KLHL32: variants seen among roughly 807,000 people sequenced by gnomAD.
KLHL32 encodes kelch-like protein 32.
KLHL32 carries 35 observed loss-of-function variants against 64.8 expected under a neutral mutation model. The observed-to-expected ratio is 0.54, with a 90% CI of 0.41 to 0.72. The LOEUF is 0.72. KLHL32 is among the 30% of genes least tolerant of loss of function. The probability of loss-of-function intolerance (pLI) is 0.00; values close to 1 mark genes in which losing one functional copy is unlikely to be tolerated. For synonymous variants in KLHL32, 259 were observed against 281.0 expected, an observed-to-expected ratio of 0.92 and a Z score of 0.78; for missense variants, 589 against 768.5, an observed-to-expected ratio of 0.77 and a Z score of 2.76.
chr6:96,955,231 T>A (rs1773116721), intron 1 of KLHL32, among the ~76,000 whole-genome samples: 2 of 152,326 alleles, frequency 1.3e-5, no homozygotes, highest in South Asian at 4.1e-4. Context: ...AGCATGAACC[T>A]CATACTCATA....
intron 1 of KLHL32, among the ~76,000 whole-genome samples, chr6:96,945,571 G>A (rs1425384492): frequency 6.6e-6 from 1 of 152,214 alleles, no homozygotes; most frequent in Non-Finnish European, 1.5e-5. Flanking sequence ...CCTAGAAAGA[G>A]AGGGGTGCTT....
rs141498325 is a variant in KLHL32 at position 97,040,855 on chromosome 6, C to T, written c.205-637C>T. Among the ~76,000 whole-genome samples the T allele has an allele frequency of 6.4e-4, 97 of 152,288 alleles. 1 individual carries two copies. The East Asian group carries it at 0.014, about 22-fold the overall frequency. ...TTATAAAGGGCTCTTCCCCTTCCCTCGGCACTTCTCCTTTCTGCTGCCTTG... is the reference window on the plus strand; with the variant it reads ...TTATAAAGGGCTCTTCCCCTTCCCTTGGCACTTCTCCTTTCTGCTGCCTTG... On this transcript the variant is annotated intron_variant, in intron 3 of 10. Coordinates refer to ENST00000369261, the MANE Select transcript of KLHL32 (RefSeq NM_052904.4).
chr6:97,136,403 G>C (rs573740413), intron 10 of KLHL32, among the ~76,000 whole-genome samples: 1 of 152,294 alleles, frequency 6.6e-6, no homozygotes, highest in South Asian at 2.1e-4. Flanking sequence ...CCAAACAAGA[G>C]AAAAGCAGAG....
At chr6:97,138,861 CTCA>C (rs1439614628) in intron 10 of KLHL32, among the ~76,000 whole-genome samples, 1 of 152,130 alleles carries the variant, frequency 6.6e-6, no homozygotes, top group Non-Finnish European at 1.5e-5. Context: ...TGCTACCTAC[CTCA>C]TAATTGTTCT....
At chr6:97,031,686 G>A (rs1783577430) in intron 3 of KLHL32, among the ~76,000 whole-genome samples, 1 of 152,122 alleles carries the variant, frequency 6.6e-6, no homozygotes, top group East Asian at 1.9e-4. Flanking sequence ...TGGAAGTTCT[G>A]TATTTATAGA....
intron 4 of KLHL32, among the ~76,000 whole-genome samples, chr6:97,054,895 T>C (rs1466077670): frequency 6.6e-6 from 1 of 152,078 alleles, no homozygotes; most frequent in Admixed American, 6.5e-5. Context: ...GCTGATATCG[T>C]GCCACTGCGC....
At chr6:96,931,880 GA>G (rs68098379) in intron 1 of KLHL32, among the ~76,000 whole-genome samples, 19,927 of 151,658 alleles carry the variant, frequency 0.13, 1,566 homozygotes, top group East Asian at 0.26. Context: ...AAATCATTAT[GA>G]AAAAAAAGCC....
chr6:97,028,763 C>A (rs1442551136), intron 3 of KLHL32, among the ~76,000 whole-genome samples: 1 of 152,194 alleles, frequency 6.6e-6, no homozygotes, highest in East Asian at 1.9e-4. Context: ...TAATTCGATT[C>A]ATTCAATAAT....
chr6:96,988,725 C>G (rs1777445307), intron 3 of KLHL32, among the ~76,000 whole-genome samples: 1 of 152,198 alleles, frequency 6.6e-6, no homozygotes, highest in African/African-American at 2.4e-5. Flanking sequence ...CAATGATAGA[C>G]TGGATTAAGA....
intron 5 of KLHL32, among the ~76,000 whole-genome samples, chr6:97,081,174 G>A (rs1792447637): frequency 6.6e-6 from 1 of 152,160 alleles, no homozygotes; most frequent in Non-Finnish European, 1.5e-5. Context: ...GAGTGAGGGG[G>A]GAAAAGTGGA....
At chr6:96,926,327 T>G (rs1048313760) in intron 1 of KLHL32, among the ~76,000 whole-genome samples, 6 of 152,242 alleles carry the variant, frequency 3.9e-5, no homozygotes, top group African/African-American at 1.4e-4. Context: ...GAGGAGCAAG[T>G]AAGCCAAATA....
intron 7 of KLHL32, among the ~76,000 whole-genome samples, chr6:97,115,647 A>C (rs57245661): frequency 0.033 from 4,981 of 152,250 alleles, 254 homozygotes; most frequent in African/African-American, 0.11. Context: ...ATCACATTAT[A>C]AACATGTGTT....
intron 3 of KLHL32, among the ~76,000 whole-genome samples, chr6:97,006,311 C>T (rs900147963): frequency 6.6e-6 from 1 of 151,812 alleles, no homozygotes; most frequent in Admixed American, 6.6e-5. Context: ...GTCTTTTTTG[C>T]CTGATACTAG....
intron 10 of KLHL32, among the ~76,000 whole-genome samples, chr6:97,134,803 A>ATCTC (rs1444382491): frequency 6.6e-6 from 1 of 152,180 alleles, no homozygotes; most frequent in African/African-American, 2.4e-5. Context: ...TTTTTTCCAC[A>ATCTC]TCTCATATTT....
chr6:97,009,498 T>A (rs779264527), intron 3 of KLHL32, among the ~76,000 whole-genome samples: 1 of 152,206 alleles, frequency 6.6e-6, no homozygotes, highest in Non-Finnish European at 1.5e-5. Flanking sequence ...ATAGAGCACT[T>A]GTATAAATGT....
the KLHL32 span, among the ~76,000 whole-genome samples, chr6:96,914,498 T>G: frequency 6.6e-6 from 1 of 152,142 alleles, no homozygotes; most frequent in Non-Finnish European, 1.5e-5. Context: ...AAATAGATTA[T>G]GCTTTGTCTA....
chr6:97,092,265 A>T (rs1161049627), intron 6 of KLHL32, among the ~76,000 whole-genome samples: 1 of 152,192 alleles, frequency 6.6e-6, no homozygotes, highest in African/African-American at 2.4e-5. Context: ...CTGGGATTAC[A>T]GGCGTGAGCC....
chr6:96,984,939 C>T (rs188460034), intron 3 of KLHL32, among the ~76,000 whole-genome samples: 1,816 of 152,058 alleles, frequency 0.012, 36 homozygotes, highest in African/African-American at 0.039. Context: ...TTATTTTGCT[C>T]GTTAGTTGAT....
intron 3 of KLHL32, 45 bp downstream of exon 3, chr6:96,976,222 G>A: frequency 6.8e-7 from 1 of 1,469,090 alleles, no homozygotes; most frequent in South Asian, 1.4e-5. Flanking sequence ...GATAAAGAGA[G>A]GATGACAATG....
Sources: allele counts gnomAD v4.1 joint callset (sites outside exome capture counted in the v4.1 genomes callset), GRCh38; gene constraint gnomAD v4.1.1; transcripts MANE v1.5; gene names NCBI Gene and HGNC (gene_info 2026-07-23, HGNC 2026-07-21).